Variants in RELB observed in about 807,000 individuals in gnomAD.
The protein encoded by RELB is transcription factor RelB.
A neutral mutation model predicts 55.4 loss-of-function variants in RELB; 14 were observed. That is an observed-to-expected ratio of 0.25 (90% CI 0.17 to 0.40). The LOEUF is 0.40. Ranked by LOEUF, RELB falls within the 10% of genes least tolerant of loss-of-function variation. The pLI is 1.00. For missense variants in RELB, 669 were observed against 830.7 expected (o/e 0.81, Z 2.39); for synonymous variants, 409 against 371.3 (o/e 1.10, Z -1.17).
chr19:45,030,055 T>A (rs1423024388), intron 8 of RELB, among the ~76,000 whole-genome samples: 1 of 151,850 alleles, frequency 6.6e-6, no homozygotes, highest in East Asian at 1.9e-4. Flanking sequence ...TAGTCCCAGT[T>A]ACTTGAGAGG....
Position 45,022,079 on chromosome 19 carries a change from G to A in RELB, c.531G>A (p.Glu177=). The A allele has an allele frequency of 6.2e-7, 1 of 1,612,902 alleles. No individual in the cohort carries two copies. Among genetic ancestry groups the A allele is most frequent in the Non-Finnish European group, 8.5e-7 (1 of 1,179,478 alleles). ...TCCGGGATTGTGGAGGGCTGCGGGA[G>A]GTGGAGGTGACTGCCTGCCTGGTGT... ...IELRDCGGLR[E]VEVTACLVWK... is the part of the protein sequence containing the mutation. The change falls in exon 5 of 12, where the codon GAG becomes GAA. Residue 177 remains glutamate (E), a synonymous_variant. Transcript: ENST00000221452.
chr19:45,027,164 C>G (rs531414222), intron 7 of RELB, among the ~76,000 whole-genome samples: 1 of 147,678 alleles, frequency 6.8e-6, no homozygotes, highest in African/African-American at 2.5e-5. Flanking sequence ...ACCCTGGAGG[C>G]GGAGCTTGCA....
At chr19:45,024,473 T>C (rs959963686) in intron 5 of RELB, among the ~76,000 whole-genome samples, 3 of 152,124 alleles carry the variant, frequency 2.0e-5, no homozygotes, top group Non-Finnish European at 4.4e-5. Flanking sequence ...GAAGTTTTCC[T>C]ATTAAAGATG....
At chr19:45,034,123 C>T (rs1462740264) in intron 9 of RELB, 121 bp from the exon 10 acceptor site, 3 of 690,518 alleles carry the variant, frequency 4.3e-6, no homozygotes, top group East Asian at 3.2e-5. Flanking sequence ...CGTGCCACTG[C>T]ACTCCAGCCT....
At chr19:45,008,467 G>A (rs1971310374) in intron 2 of RELB, 1 of 456,240 alleles carries the variant, frequency 2.2e-6, no homozygotes, top group East Asian at 6.9e-5. Context: ...GGTTCATCCA[G>A]CACAGATGCC....
rs187307573 is a variant in RELB at position 45,034,575 on chromosome 19, G to A, written c.1354+47G>A. On this transcript the variant is annotated intron_variant, in intron 11 of 11. Transcript: ENST00000221452. ...GCCCCTGTCCCCTGGGTGGGCAGAGGGTAAGTGGCAGCCCTGCTTTTCTGG... is the reference window on the plus strand; with the variant it reads ...GCCCCTGTCCCCTGGGTGGGCAGAGAGTAAGTGGCAGCCCTGCTTTTCTGG... 21 of 1,519,012 alleles carry A rather than the reference G, an allele frequency of 1.4e-5. No individual in the cohort carries two copies. The East Asian group carries it at 4.6e-4, about 34-fold the overall frequency. The allele number at this position is 1,519,012 out of a possible 1,614,324, so 94.1% of individuals were successfully genotyped here.
chr19:45,008,793 C>T (rs1337533284), intron 2 of RELB: 2 of 305,718 alleles, frequency 6.5e-6, no homozygotes, highest in Non-Finnish European at 1.3e-5. Flanking sequence ...CTGCAGCTGC[C>T]TTCCGTTGCT....
chr19:45,022,151 AGACTGCACC>A lies in RELB; in HGVS notation c.607_615del (p.Cys203_Asp205del). 1 of 1,612,816 alleles carries A rather than the reference AGACTGCACC, an allele frequency of 6.2e-7. No individual in the cohort carries two copies. The highest frequency in any genetic ancestry group is 8.5e-7 in the Non-Finnish European group (1 of 1,179,660). ...TCCACCCCCACAGCCTCGTGGGGAA[AGACTGCACC>A]GACGGCATCTGCAGGGTGCGGCTCC... On this transcript the variant is annotated inframe_deletion, in exon 5 of 12. Coordinates refer to ENST00000221452, the MANE Select transcript of RELB (RefSeq NM_006509.4).
intron 11 of RELB, among the ~76,000 whole-genome samples, chr19:45,035,200 A>C (rs1006546276): frequency 1.3e-4 from 19 of 151,984 alleles, no homozygotes; most frequent in Non-Finnish European, 2.2e-4. Context: ...CTTCAACAGG[A>C]TAGAACGTTA....
chr19:45,006,896 G>T (rs1971288669), intron 2 of RELB, among the ~76,000 whole-genome samples: 1 of 151,094 alleles, frequency 6.6e-6, no homozygotes, highest in African/African-American at 2.4e-5. Context: ...CGGAGGTTGT[G>T]GTGAGCTGAG....
At chr19:45,011,803 A>AGT (rs1971359620) in intron 3 of RELB, 133 bp from the exon 4 acceptor site, 1 of 48,312 alleles carries the variant, frequency 2.1e-5, no homozygotes, top group African/African-American at 1.2e-4. Context: ...TGTGTGAGAG[A>AGT]GAGAGAGAGA....
At position 45,017,796 on chromosome 19, in the gene RELB, C is replaced by T. The variant is rs1439320592; in HGVS notation, c.505-4257C>T. On this transcript the variant is annotated intron_variant, in intron 4 of 11. Transcript: ENST00000221452. ...GAGTTGGTAGGATTACAGGCCTGTA[C>T]CATCATGCCTGGCTAATTTTGTATT... Among the ~76,000 whole-genome samples the T allele has an allele frequency of 2.7e-5, 4 of 150,382 alleles. No individual in the cohort carries two copies. The South Asian group carries it at 6.3e-4, about 24-fold the overall frequency.
At position 45,011,793 on chromosome 19, in the gene RELB, TGTGTGAGAGAGAGA is replaced by T. The variant is rs1239424687; in HGVS notation, c.164-141_164-128del. On this transcript the variant is annotated intron_variant, in intron 3 of 11. Transcript: ENST00000221452. ...GTGTGTGTGTGTGTGTGTGTGTGTG[TGTGTGAGAGAGAGA>T]GAGAGAGAGAGAGAGAGAGAGAGAG... 8.3e-5 allele frequency: 19 copies of T among 228,054 alleles called. No individual in the cohort carries two copies. The African/African-American group carries it at 9.3e-4, about 11-fold the overall frequency. 14.1% of individuals were successfully genotyped at this position (228,054 alleles called of 1,614,324 possible). A position where few individuals can be genotyped will look rare whatever the true frequency, so the allele number is the denominator to read the frequency against.
chr19:45,031,211 T>G (rs927299520), intron 8 of RELB, among the ~76,000 whole-genome samples: 1 of 143,032 alleles, frequency 7.0e-6, no homozygotes, highest in African/African-American at 2.7e-5. Flanking sequence ...TCCGTTTTTG[T>G]TTTTTTTTTT....
intron 11 of RELB, 109 bp from the exon 12 acceptor site, chr19:45,037,296 A>AG: frequency 8.0e-7 from 1 of 1,254,880 alleles, no homozygotes; most frequent in Non-Finnish European, 1.1e-6. Context: ...AAAAAAAAAA[A>AG]AAGGCCACCT....
intron 7 of RELB, among the ~76,000 whole-genome samples, chr19:45,026,514 A>G (rs945573131): frequency 1.3e-5 from 2 of 151,960 alleles, no homozygotes; most frequent in Admixed American, 6.6e-5. Context: ...ACTGCACTCC[A>G]GCCTGGGCAA....
chr19:45,013,505 T>C (rs1568399007), intron 4 of RELB, among the ~76,000 whole-genome samples: 1 of 152,094 alleles, frequency 6.6e-6, no homozygotes, highest in Admixed American at 6.6e-5. Flanking sequence ...AGTTGAACAT[T>C]TGTGCAGAAC....
chr19:45,012,187 C>T lies in RELB; in HGVS notation c.415C>T (p.Arg139Cys), dbSNP rs1600067314. ...ITEQPKQRGM[R>C]FRYECEGRSA... ...GGAGCAGCCCAAGCAGCGCGGCATG[C>T]GCTTCCGCTACGAGTGCGAGGGCCG... The change falls in exon 4 of 12, where the codon CGC becomes TGC. Residue 139 changes from arginine (R) to cysteine (C), a missense_variant. By Grantham distance (180) the Arg-to-Cys change is radical. Transcript: ENST00000221452. 2 of 1,541,160 alleles carry T rather than the reference C, an allele frequency of 1.3e-6. No individual in the cohort carries two copies. The highest frequency in any genetic ancestry group is 1.2e-5 in the South Asian group (1 of 82,174).
chr19:45,037,098 G>A (rs1270388637), intron 11 of RELB, among the ~76,000 whole-genome samples: 1 of 152,036 alleles, frequency 6.6e-6, no homozygotes, highest in Non-Finnish European at 1.5e-5. Flanking sequence ...GGCAAACATG[G>A]TGAAACCCCG....
Sources: gnomAD v4.1 joint callset for allele counts (sites outside exome capture counted in the v4.1 genomes callset) on GRCh38, gnomAD v4.1.1 for gene constraint, MANE v1.5 for transcripts, NCBI Gene and HGNC (gene_info 2026-07-23, HGNC 2026-07-21) for gene names.